Variants in DTX1 observed in about 807,000 individuals in gnomAD.
The protein encoded by DTX1 is E3 ubiquitin-protein ligase DTX1.
A neutral mutation model predicts 57.8 loss-of-function variants in DTX1; 26 were observed. That is an observed-to-expected ratio of 0.45 (90% confidence interval 0.33 to 0.62). The LOEUF (loss-of-function observed/expected upper bound fraction) is 0.62, where lower values mean the gene tolerates loss of function less well. DTX1 is among the 20% of genes least tolerant of loss of function. The pLI is 0.02. For synonymous variants in DTX1, 398 were observed against 394.1 expected (o/e 1.01, Z -0.12); for missense variants, 704 against 895.3 (o/e 0.79, Z 2.73).
In DTX1 at chr12:113,077,561, T is replaced by C. The variant is rs557745547; in HGVS notation, c.397T>C (p.Tyr133His). The change falls in exon 3 of 10, where the codon TAC becomes CAC. Residue 133 changes from tyrosine (Y) to histidine (H), a missense_variant. Physicochemically the swap from Tyr to His is moderately conservative, Grantham distance 83. This residue lies in a region of DTX1 where 237 missense variants were observed against 328.6 expected (regional missense o/e 0.72). Coordinates refer to ENST00000548759, the MANE Select transcript of DTX1 (RefSeq NM_004416.3). The surrounding 1 kb of genome is among the most constrained non-coding windows in gnomAD (Gnocchi z 7.8). ...MDICITIQNA[Y>H]EKQHPWLDLS... The stretch of plus-strand genomic sequence containing the variant: ...CATCTGCATCACCATCCAGAACGCC[T>C]ACGAGAAGCAGCACCCGTGGCTCGA... 4 of 1,613,704 alleles carry C rather than the reference T, an allele frequency of 2.5e-6. No individual in the cohort carries two copies. Among genetic ancestry groups the C allele is most frequent in the Non-Finnish European group, 3.4e-6 (4 of 1,179,924 alleles).
Position 113,074,228 on chromosome 12 carries a change from CAT to C in DTX1, c.260-3184_260-3183del, listed in dbSNP as rs370198782. Among the ~76,000 whole-genome samples the C allele has an allele frequency of 4.9e-3, 739 of 151,656 alleles. 6 individuals are homozygous for C. Among genetic ancestry groups the C allele is most frequent in the African/African-American group, 0.016 (675 of 41,400 alleles). On this transcript the variant is annotated intron_variant, in intron 2 of 9. Coordinates refer to ENST00000548759, the MANE Select transcript of DTX1 (RefSeq NM_004416.3). ...TGGGTGACAGAGAAAGACTCTCTCT[CAT>C]ATATATATATAGTCAGTCAGGTAAT...
At chr12:113,071,801 C>T (rs919465202) in intron 2 of DTX1, among the ~76,000 whole-genome samples, 1 of 152,262 alleles carries the variant, frequency 6.6e-6, no homozygotes, top group Non-Finnish European at 1.5e-5. Context: ...CAGCGGCGGG[C>T]GCTGCGGGGT....
intron 3 of DTX1, among the ~76,000 whole-genome samples, chr12:113,090,597 C>G (rs1196678079): frequency 6.6e-6 from 1 of 152,226 alleles, no homozygotes; most frequent in East Asian, 1.9e-4. Context: ...GGGTACCCGC[C>G]ATCCCATCCT....
At chr12:113,065,784 A>G (rs2044700023) in intron 2 of DTX1, among the ~76,000 whole-genome samples, 1 of 139,642 alleles carries the variant, frequency 7.2e-6, no homozygotes, top group African/African-American at 2.7e-5. Context: ...GGTGACGAGG[A>G]GGGGCCAGGA....
intron 2 of DTX1, among the ~76,000 whole-genome samples, chr12:113,070,825 G>T (rs761825166): frequency 6.6e-6 from 1 of 152,122 alleles, no homozygotes; most frequent in Admixed American, 6.5e-5. Context: ...ATCATTCCCA[G>T]CCCTCTGCTC....
At chr12:113,072,696 CTTTTTTTTTT>C (rs60642403) in intron 2 of DTX1, among the ~76,000 whole-genome samples, 1 of 71,148 alleles carries the variant, frequency 1.4e-5, no homozygotes, top group Non-Finnish European at 2.7e-5. Context: ...GAGAGATTTT[CTTTTTTTTTT>C]TTTTTTTTTT....
Position 113,097,145 on chromosome 12 carries a change from G to A in DTX1, c.*206G>A. On this transcript the variant is annotated 3_prime_UTR_variant, in exon 10 of 10. Transcript: ENST00000548759. ...CCCCGAATCATAGCTCCCTGAGAGG[G>A]CCAAGCAGAGAGTACTGGAAACCTC... 1 of 601,944 alleles carries A rather than the reference G, an allele frequency of 1.7e-6. No individual in the cohort carries two copies. Among genetic ancestry groups the A allele is most frequent in the Non-Finnish European group, 2.9e-6 (1 of 344,988 alleles). The allele number at this position is 601,944 out of a possible 1,614,324, so 37.3% of individuals were successfully genotyped here.
intron 3 of DTX1, among the ~76,000 whole-genome samples, chr12:113,081,822 GT>G (rs1375163814): frequency 6.6e-6 from 1 of 152,162 alleles, no homozygotes; most frequent in African/African-American, 2.4e-5. Flanking sequence ...AATCCAGAAG[GT>G]TCTGGAGACC....
intron 9 of DTX1, among the ~76,000 whole-genome samples, chr12:113,096,373 G>A (rs191499320): frequency 3.0e-4 from 43 of 143,488 alleles, no homozygotes; most frequent in Middle Eastern, 3.7e-3. Context: ...CCAGGAGTTC[G>A]AGGCTGCAGT....
rs370106874 is a variant in DTX1, at chr12:113,093,650, C to T, written c.1115C>T (p.Pro372Leu). 12 of 1,613,666 alleles carry T rather than the reference C, an allele frequency of 7.4e-6. No homozygotes were observed. In the African/African-American group the frequency reaches 1.3e-4, roughly 18 times the overall value. ...PVSKSDVKPV[P>L]GVPGVCRKTK... ...AGCAAGAGCGACGTGAAGCCCGTGCCTGGCGTGCCCGGGGTGTGCCGCAAG... is the reference window on the plus strand; with the variant it reads ...AGCAAGAGCGACGTGAAGCCCGTGCTTGGCGTGCCCGGGGTGTGCCGCAAG... The change falls in exon 5 of 10, where the codon CCT becomes CTT. Residue 372 changes from proline to leucine, a missense_variant. This residue lies in a region of DTX1 where 299 missense variants were observed against 311.2 expected (regional missense o/e 0.96). Coordinates refer to ENST00000548759, the MANE Select transcript of DTX1 (RefSeq NM_004416.3). The surrounding 1 kb of genome is among the most constrained non-coding windows in gnomAD (Gnocchi z 4.2).
At chr12:113,088,168 C>A (rs939986777) in intron 3 of DTX1, among the ~76,000 whole-genome samples, 1 of 152,200 alleles carries the variant, frequency 6.6e-6, no homozygotes, top group East Asian at 1.9e-4. Context: ...AGCTGGGTGA[C>A]CTTAGTGAAG....
chr12:113,062,951 G>A (rs1406637732), intron 2 of DTX1, among the ~76,000 whole-genome samples: 2 of 152,196 alleles, frequency 1.3e-5, no homozygotes, highest in Admixed American at 1.3e-4. Flanking sequence ...CCCCTCCACG[G>A]GGAGGCCTAA....
At chr12:113,072,915 C>T (rs1293748028) in intron 2 of DTX1, among the ~76,000 whole-genome samples, 1 of 151,884 alleles carries the variant, frequency 6.6e-6, no homozygotes, top group African/African-American at 2.4e-5. Flanking sequence ...CCATGTGGGC[C>T]AGGCTGGTCC....
chr12:113,093,867 G>T lies in DTX1; in HGVS notation c.1165+167G>T, dbSNP rs892506436. Among the ~76,000 whole-genome samples the T allele has an allele frequency of 3.9e-5, 6 of 151,980 alleles. No individual in the cohort carries two copies. The highest frequency in any genetic ancestry group is 1.5e-4 in the African/African-American group (6 of 41,326). The stretch of plus-strand genomic sequence containing the variant: ...CCATCTTTCACCAGCTCCTGTTACA[G>T]CTAACCTCCAGCAACCCCTGACCTC... On this transcript the variant is annotated intron_variant, in intron 5 of 9. Coordinates refer to ENST00000548759, the MANE Select transcript of DTX1 (RefSeq NM_004416.3). This position sits in a 1 kb window ranked among gnomAD's most constrained non-coding sequence, Gnocchi z 4.2.
Position 113,093,825 on chromosome 12 carries a change from C to T in DTX1, c.1165+125C>T, listed in dbSNP as rs565022680. 1 of 1,463,628 alleles carries T rather than the reference C, an allele frequency of 6.8e-7. No homozygotes were observed. Among genetic ancestry groups the T allele is most frequent in the African/African-American group, 1.4e-5 (1 of 71,610 alleles). The allele number at this position is 1,463,628 out of a possible 1,614,324, so 90.7% of individuals were successfully genotyped here. ...CCTCACCTCCATTGCCTGATCTCAG[C>T]TCCCCTTGCCCTGGCCCCATCTTTC... On this transcript the variant is annotated intron_variant, in intron 5 of 9. Transcript: ENST00000548759. The surrounding 1 kb of genome is among the most constrained non-coding windows in gnomAD (Gnocchi z 4.2).
chr12:113,094,143 G>T, intron 6 of DTX1, 44 bp downstream of exon 6: 1 of 1,520,506 alleles, frequency 6.6e-7, no homozygotes, highest in Non-Finnish European at 8.9e-7. Context: ...CTGGCATGGA[G>T]GGGGCAGGAA....
At chr12:113,071,253 G>A (rs1010053385) in intron 2 of DTX1, among the ~76,000 whole-genome samples, 1 of 152,176 alleles carries the variant, frequency 6.6e-6, no homozygotes, top group African/African-American at 2.4e-5. Context: ...GGCTGTGGCC[G>A]CCCCCACACC....
chr12:113,084,080 T>C (rs55734931), intron 3 of DTX1, among the ~76,000 whole-genome samples: 14,199 of 152,284 alleles, frequency 0.093, 787 homozygotes, highest in African/African-American at 0.14. Context: ...GAGAGGGGGA[T>C]TGGCTCATCT....
chr12:113,070,247 T>C (rs1592844804), intron 2 of DTX1, among the ~76,000 whole-genome samples: 1 of 152,354 alleles, frequency 6.6e-6, no homozygotes, highest in South Asian at 2.1e-4. Flanking sequence ...GCTGTTAGTA[T>C]TATGACTTCT....
Sources: allele counts gnomAD v4.1 joint callset (sites outside exome capture counted in the v4.1 genomes callset), GRCh38; gene constraint gnomAD v4.1.1; regional missense constraint gnomAD v4.1.1; non-coding constraint Gnocchi (gnomAD v3.1); transcripts MANE v1.5; gene names NCBI Gene and HGNC (gene_info 2026-07-23, HGNC 2026-07-21).